The following MAOB variants were observed in gnomAD, a reference collection of about 807,000 sequenced individuals.
MAOB encodes amine oxidase [flavin-containing] B.
Under a neutral mutation model 41.9 loss-of-function variants are expected in MAOB, and 15 were observed. The ratio of observed to expected loss-of-function variants is 0.36; its 90% CI spans 0.24 to 0.55. The LOEUF is 0.55. Among genes scored for constraint, MAOB ranks in the 20% least tolerant of loss-of-function variants. The probability of loss-of-function intolerance (pLI) is 0.86; values close to 1 mark genes in which losing one functional copy is unlikely to be tolerated. For synonymous variants in MAOB, 167 were observed against 144.2 expected (o/e 1.16, Z -1.13); for missense variants, 345 against 398.7 (o/e 0.87, Z 1.15).
intron 3 of MAOB, among the ~76,000 whole-genome samples, chrX:43,809,338 G>A (rs2034712325): frequency 1.8e-5 from 2 of 112,417 alleles, no homozygotes; most frequent in Admixed American, 9.4e-5. Context: ...GTTTGCTCAA[G>A]ACTCTAAAAC....
chrX:43,802,980 T>A (rs2034615582), intron 4 of MAOB, among the ~76,000 whole-genome samples: 2 of 111,873 alleles, frequency 1.8e-5, no homozygotes, highest in Admixed American at 1.9e-4. Flanking sequence ...TACTTATGAC[T>A]TGTTTGGGCA....
At chrX:43,850,465 C>T in intron 1 of MAOB, 11 of 753,362 alleles carry the variant, frequency 1.5e-5, no homozygotes, top group Non-Finnish European at 1.7e-5. Flanking sequence ...CCAAATAGTT[C>T]CTCCTCCTTA....
chrX:43,839,381 C>T (rs1001312444), intron 2 of MAOB, among the ~76,000 whole-genome samples: 18 of 112,046 alleles, frequency 1.6e-4, no homozygotes, highest in Non-Finnish European at 2.8e-4. Flanking sequence ...AGAAAGAAAA[C>T]GATCACTTCT....
chrX:43,861,663 G>A (rs1469402107), intron 1 of MAOB, among the ~76,000 whole-genome samples: 3 of 111,545 alleles, frequency 2.7e-5, no homozygotes, highest in Non-Finnish European at 5.6e-5. Flanking sequence ...CCTGCTGAAT[G>A]TCATGTAAGC....
intron 1 of MAOB, among the ~76,000 whole-genome samples, chrX:43,868,869 G>C (rs892300692): frequency 9.0e-6 from 1 of 111,158 alleles, no homozygotes; most frequent in Non-Finnish European, 1.9e-5. Flanking sequence ...GTGTGTGTGT[G>C]TGTGTGTGTG....
chrX:43,834,681 G>A (rs2035053599), intron 3 of MAOB, among the ~76,000 whole-genome samples: 1 of 112,032 alleles, frequency 8.9e-6, no homozygotes, highest in Admixed American at 9.5e-5. Flanking sequence ...CTGTGAGGCT[G>A]TTTGAGCAAT....
rs2034649118 is a variant in MAOB, at chrX:43,805,316, G to A, written c.280-1912C>T. 4.5e-5 allele frequency among the ~76,000 whole-genome samples: 5 copies of A among 111,307 alleles called. No homozygotes were observed. The Admixed American group carries it at 4.8e-4, about 11-fold the overall frequency. ...CTTTGACCAATATCTCCTCACAAAT[G>A]TACCCACATTAAATAATTTAACATG... On this transcript the variant is annotated intron_variant, in intron 3 of 14. Coordinates refer to ENST00000378069, the MANE Select transcript of MAOB (RefSeq NM_000898.5).
chrX:43,781,476 G>A lies in MAOB; in HGVS notation c.997C>T (p.Pro333Ser), dbSNP rs1036083502. ...ATTATGGCAGCATAGTTGCCTTCAG[G>A]TTTGGTATCATCCAACGTGTAGGCA... ...PVAYTLDDTK[P>S]EGNYAAIMGF... Residue 333 changes from proline (P) to serine (S), a missense_variant, in exon 9 of 15, where the codon CCT becomes TCT. Coordinates refer to ENST00000378069, the MANE Select transcript of MAOB (RefSeq NM_000898.5). The A allele has an allele frequency of 8.4e-7, 1 of 1,196,600 alleles. No individual in the cohort carries two copies. The highest frequency in any genetic ancestry group is 1.8e-5 in the African/African-American group (1 of 56,551).
At chrX:43,809,201 G>A (rs368758065) in intron 3 of MAOB, among the ~76,000 whole-genome samples, 3 of 111,762 alleles carry the variant, frequency 2.7e-5, no homozygotes, top group Non-Finnish European at 5.6e-5. Flanking sequence ...TGAATTATAC[G>A]GATTCTCATT....
rs1008392618 is a variant in MAOB at position 43,795,953 on chromosome X, TG to T, written c.619-66del. The T allele has an allele frequency of 2.8e-6, 3 of 1,076,793 alleles. No individual in the cohort carries two copies. The African/African-American group carries it at 5.5e-5, about 20-fold the overall frequency. The allele number at this position is 1,076,793 out of a possible 1,213,427, so 88.7% of individuals were successfully genotyped here. On this transcript the variant is annotated intron_variant, in intron 6 of 14. Coordinates refer to ENST00000378069, the MANE Select transcript of MAOB (RefSeq NM_000898.5). Reference sequence around the variant, plus strand: ...GGGCATAAATTGCTAAATTCTTAGTTGTCCTCACATATGTCTACTCTGAGAT... The same window carrying T: ...GGGCATAAATTGCTAAATTCTTAGTTTCCTCACATATGTCTACTCTGAGAT...
At chrX:43,773,752 T>C (rs1208871341) in intron 12 of MAOB, among the ~76,000 whole-genome samples, 1 of 111,780 alleles carries the variant, frequency 8.9e-6, no homozygotes, top group East Asian at 2.8e-4. Context: ...TTGCACAAGC[T>C]CTCTCTTTGC....
chrX:43,870,914 T>A, intron 1 of MAOB, among the ~76,000 whole-genome samples: 1 of 111,047 alleles, frequency 9.0e-6, no homozygotes, highest in South Asian at 3.9e-4. Context: ...TAGAACATCT[T>A]GTGACACGCT....
intron 1 of MAOB, among the ~76,000 whole-genome samples, chrX:43,852,077 G>A (rs752369262): frequency 2.3e-4 from 26 of 111,893 alleles, no homozygotes; most frequent in Non-Finnish European, 4.9e-4. Flanking sequence ...CCACCTCCTG[G>A]CTGCATAACC....
intron 1 of MAOB, among the ~76,000 whole-genome samples, chrX:43,866,851 TG>T (rs760205515): frequency 4.4e-5 from 5 of 112,533 alleles, no homozygotes; most frequent in African/African-American, 1.6e-4. Context: ...AGAAGGGGCA[TG>T]GAGACAGTTA....
At chrX:43,777,339 GC>G (rs1251228846) in intron 11 of MAOB, among the ~76,000 whole-genome samples, 1 of 110,714 alleles carries the variant, frequency 9.0e-6, no homozygotes, top group Non-Finnish European at 1.9e-5. Context: ...ATATCCTTGA[GC>G]CTGGAGGCTA....
At chrX:43,856,899 C>G (rs2035292517) in intron 1 of MAOB, among the ~76,000 whole-genome samples, 1 of 105,418 alleles carries the variant, frequency 9.5e-6, no homozygotes, top group Non-Finnish European at 1.9e-5. Context: ...CTGTATTGTT[C>G]AAGGGTCAAC....
intron 7 of MAOB, among the ~76,000 whole-genome samples, chrX:43,794,096 C>T (rs994800808): frequency 9.0e-6 from 1 of 111,623 alleles, no homozygotes. Context: ...AGGGTTGTCT[C>T]GATCTTTCGA....
intron 2 of MAOB, among the ~76,000 whole-genome samples, chrX:43,843,355 TCTCACACACACACACA>T (rs1295777352): frequency 3.0e-4 from 22 of 74,538 alleles, no homozygotes; most frequent in African/African-American, 8.9e-4. Flanking sequence ...TCTCTCTCTG[TCTCACACACACACACA>T]CACACACACA....
intron 3 of MAOB, among the ~76,000 whole-genome samples, chrX:43,827,140 T>A (rs780435654): frequency 1.2e-4 from 13 of 111,940 alleles, no homozygotes; most frequent in Non-Finnish European, 1.9e-4. Context: ...AGAAAGGGCA[T>A]TTCAAGTGGA....
Sources: gnomAD v4.1 joint callset for allele counts (sites outside exome capture counted in the v4.1 genomes callset) on GRCh38, gnomAD v4.1.1 for gene constraint, MANE v1.5 for transcripts, NCBI Gene and HGNC (gene_info 2026-07-23, HGNC 2026-07-21) for gene names.